The following KLHDC10 variants were observed in gnomAD, a reference collection of about 807,000 sequenced individuals.
KLHDC10 encodes kelch domain containing 10, also known as kelch domain-containing protein 10.
KLHDC10 carries 24 observed loss-of-function variants against 56.1 expected under a neutral mutation model. The observed-to-expected ratio is 0.43, with a 90% CI of 0.31 to 0.60. The LOEUF is 0.60. Among genes scored for constraint, KLHDC10 ranks in the 20% least tolerant of loss-of-function variants. The pLI is 0.11. For missense variants in KLHDC10, 349 were observed against 567.0 expected (o/e 0.62, Z 3.91); for synonymous variants, 188 against 207.1 (o/e 0.91, Z 0.79).
intron 1 of KLHDC10, among the ~76,000 whole-genome samples, chr7:130,074,947 C>T (rs1418080160): frequency 6.6e-6 from 1 of 152,138 alleles, no homozygotes; most frequent in Non-Finnish European, 1.5e-5. Context: ...GGATTAGACT[C>T]TGCATCCATT....
rs113070850 is a variant in KLHDC10 at position 130,116,778 on chromosome 7, G to A, written c.475+112G>A. 20 of 897,582 alleles carry A rather than the reference G, an allele frequency of 2.2e-5. No homozygotes were observed. The highest frequency in any genetic ancestry group is 1.3e-4 in the African/African-American group (8 of 60,570). 55.6% of individuals were successfully genotyped at this position (897,582 alleles called of 1,614,324 possible). Reference sequence around the variant, plus strand: ...TAACACTATAATGTGATTTCGCCCTGTGGGTGGATAGGCTTTTTACTAGGG... The same window carrying A: ...TAACACTATAATGTGATTTCGCCCTATGGGTGGATAGGCTTTTTACTAGGG... On this transcript the variant is annotated intron_variant, in intron 3 of 9. Transcript: ENST00000335420. The surrounding 1 kb of genome is among the most constrained non-coding windows in gnomAD (Gnocchi z 4.8).
intron 1 of KLHDC10, among the ~76,000 whole-genome samples, chr7:130,082,728 C>T (rs1202611876): frequency 6.6e-6 from 1 of 152,184 alleles, no homozygotes; most frequent in Non-Finnish European, 1.5e-5. Flanking sequence ...AGTCTCACTT[C>T]TGCCTCCATC....
chr7:130,078,415 G>A (rs556554990), intron 1 of KLHDC10, among the ~76,000 whole-genome samples: 2 of 152,050 alleles, frequency 1.3e-5, no homozygotes, highest in South Asian at 4.2e-4. Context: ...AATAGAGATG[G>A]AGTCTTGCTA....
rs1471225467 is a variant in KLHDC10 at position 130,130,088 on chromosome 7, G to A, written c.1120-449G>A. Among the ~76,000 whole-genome samples, 2 of 152,012 alleles carry A rather than the reference G, an allele frequency of 1.3e-5. No homozygotes were observed. Among genetic ancestry groups the A allele is most frequent in the African/African-American group, 4.8e-5 (2 of 41,390 alleles). ...TCCCAGCACTTTGGGAGGCCAAGGT[G>A]GGCGGATCACGAGGTCAGGAGATTG... is the stretch of plus-strand genomic sequence containing the variant. On this transcript the variant is annotated intron_variant, in intron 9 of 9. Transcript: ENST00000335420. This position sits in a 1 kb window ranked among gnomAD's most constrained non-coding sequence, Gnocchi z 4.2.
At chr7:130,104,648 C>T (rs2116882255) in intron 2 of KLHDC10, among the ~76,000 whole-genome samples, 1 of 152,256 alleles carries the variant, frequency 6.6e-6, no homozygotes, top group East Asian at 1.9e-4. Flanking sequence ...GTATAGGAAG[C>T]ATGGTAGCAT....
rs554901007 is a variant in KLHDC10 at position 130,134,965 on chromosome 7, C to T, written c.*4219C>T. On this transcript the variant is annotated 3_prime_UTR_variant, in exon 10 of 10. Coordinates refer to ENST00000335420, the MANE Select transcript of KLHDC10 (RefSeq NM_014997.4). ...AGATCCTGCCCAGCAATGGCCTTTCCCTTCTAAGGTCATTAGATTCAGCCA... is the reference window on the plus strand; with the variant it reads ...AGATCCTGCCCAGCAATGGCCTTTCTCTTCTAAGGTCATTAGATTCAGCCA... The T allele has an allele frequency of 2.6e-5, 4 of 152,164 alleles. No individual in the cohort carries two copies. In the East Asian group the frequency reaches 7.7e-4, roughly 29 times the overall value. The allele number at this position is 152,164 out of a possible 1,614,324, so 9.4% of individuals were successfully genotyped here.
rs916964247 is a variant in KLHDC10, at chr7:130,126,712, C to CA, written c.932-685dup. 9.7e-4 allele frequency among the ~76,000 whole-genome samples: 148 copies of CA among 152,064 alleles called. No homozygotes were observed. In the Middle Eastern group the frequency reaches 0.01, roughly 10 times the overall value. ...AATAAAAAACAAAAACAAAAACTAA[C>CA]AAAAAAACACAGTAATTCTCCTTAG... is the stretch of plus-strand genomic sequence containing the variant. On this transcript the variant is annotated intron_variant, in intron 7 of 9. Transcript: ENST00000335420.
At chr7:130,102,494 G>A (rs1795945827) in intron 2 of KLHDC10, among the ~76,000 whole-genome samples, 1 of 152,170 alleles carries the variant, frequency 6.6e-6, no homozygotes, top group Non-Finnish European at 1.5e-5. Context: ...TATCTTTACA[G>A]AGCCAAGAGT....
intron 2 of KLHDC10, among the ~76,000 whole-genome samples, chr7:130,111,114 T>A (rs1278185623): frequency 1.3e-5 from 2 of 152,156 alleles, no homozygotes; most frequent in East Asian, 3.9e-4. Context: ...TGGCTTTCTT[T>A]AAGTGGTTTG....
chr7:130,089,130 A>T (rs1040076905), intron 1 of KLHDC10, among the ~76,000 whole-genome samples: 2 of 152,204 alleles, frequency 1.3e-5, no homozygotes, highest in Non-Finnish European at 2.9e-5. Context: ...AAAAAAACAT[A>T]TATTTTAAAA....
chr7:130,100,680 A>G (rs1397438605), intron 2 of KLHDC10, among the ~76,000 whole-genome samples: 1 of 152,100 alleles, frequency 6.6e-6, no homozygotes, highest in Non-Finnish European at 1.5e-5. Context: ...TTTTTAACTT[A>G]TCTATACTTT....
intron 1 of KLHDC10, among the ~76,000 whole-genome samples, chr7:130,072,284 T>G (rs553579629): frequency 6.6e-6 from 1 of 152,306 alleles, no homozygotes; most frequent in Non-Finnish European, 1.5e-5. Context: ...CAAGTAGGCA[T>G]TCCTAGGTTC....
At chr7:130,128,919 T>TATATATATATATATATATATATACACAC (rs1292651924) in intron 8 of KLHDC10, among the ~76,000 whole-genome samples, 1 of 115,712 alleles carries the variant, frequency 8.6e-6, no homozygotes, top group Non-Finnish European at 1.8e-5. Context: ...TATATATATA[T>TATATATATATATATATATATATACACAC]ACATACTAGC....
intron 2 of KLHDC10, among the ~76,000 whole-genome samples, chr7:130,115,940 A>G (rs894408467): frequency 2.0e-5 from 3 of 152,036 alleles, no homozygotes; most frequent in Non-Finnish European, 4.4e-5. Context: ...TAAGTGTATA[A>G]TTATATCTTG....
chr7:130,077,377 A>AAAC (rs1795524723), intron 1 of KLHDC10, among the ~76,000 whole-genome samples: 3 of 149,048 alleles, frequency 2.0e-5, no homozygotes, highest in Admixed American at 1.3e-4. Flanking sequence ...AAAAAAAAAA[A>AAAC]AAAAACAGTA....
chr7:130,092,789 T>C (rs1563099414), intron 1 of KLHDC10, among the ~76,000 whole-genome samples: 1 of 152,174 alleles, frequency 6.6e-6, no homozygotes, highest in Non-Finnish European at 1.5e-5. Context: ...TCACTTAGGC[T>C]GTAAATGTTT....
At chr7:130,123,917 G>A (rs994921728) in intron 5 of KLHDC10, among the ~76,000 whole-genome samples, 1 of 152,190 alleles carries the variant, frequency 6.6e-6, no homozygotes, top group African/African-American at 2.4e-5. Flanking sequence ...ACAGTTCTGT[G>A]TAGTATAATT....
chr7:130,127,584 G>T (rs1289992492), intron 8 of KLHDC10, 133 bp downstream of exon 8: 2 of 647,964 alleles, frequency 3.1e-6, no homozygotes, highest in Non-Finnish European at 5.4e-6. Context: ...AACTTAAAGG[G>T]AAATTCATAG....
In KLHDC10 at chr7:130,116,448, A is replaced by G. The variant is rs1187732714; in HGVS notation, c.257A>G (p.His86Arg). The change falls in exon 3 of 10, where the codon CAC (histidine) becomes CGC (arginine). Residue 86 changes from histidine to arginine, a missense_variant. Transcript: ENST00000335420. The surrounding 1 kb of genome is among the most constrained non-coding windows in gnomAD (Gnocchi z 4.8). ...AAACTGTCCTCTTCTCTCCTAGGCC[A>G]CAGACCTCCACCAGCACGAAGTGGA... ...IRIPNRFLRG[H>R]RPPPARSGHR... 1 of 1,612,752 alleles carries G rather than the reference A, an allele frequency of 6.2e-7. No individual in the cohort carries two copies. Among genetic ancestry groups the G allele is most frequent in the Admixed American group, 1.7e-5 (1 of 59,738 alleles).
Sources: allele counts gnomAD v4.1 joint callset (sites outside exome capture counted in the v4.1 genomes callset), GRCh38; gene constraint gnomAD v4.1.1; non-coding constraint Gnocchi (gnomAD v3.1); transcripts MANE v1.5; gene names NCBI Gene and HGNC (gene_info 2026-07-23, HGNC 2026-07-21).